Variants in PLD5 observed in about 807,000 individuals in gnomAD.
PLD5 encodes the protein phospholipase D family member 5, also known as inactive phospholipase D5.
PLD5 carries 36 observed loss-of-function variants against 61.1 expected under a neutral mutation model. The observed-to-expected ratio is 0.59, with a 90% confidence interval of 0.45 to 0.78. The LOEUF (loss-of-function observed/expected upper bound fraction) is 0.78, where lower values mean the gene tolerates loss of function less well. Among genes scored for constraint, PLD5 ranks in the 30% least tolerant of loss-of-function variants. PLD5 has a pLI of 0.00. For synonymous variants in PLD5, 243 were observed against 242.8 expected, an observed-to-expected ratio of 1.00 and a Z score of -0.01; for missense variants, 515 against 644.4, an observed-to-expected ratio of 0.80 and a Z score of 2.17.
intron 1 of PLD5, among the ~76,000 whole-genome samples, chr1:242,412,277 C>T (rs1450267414): frequency 1.3e-5 from 2 of 152,196 alleles, no homozygotes; most frequent in Non-Finnish European, 2.9e-5. Context: ...GCCATGAACT[C>T]AGCTTCCAGG....
intron 1 of PLD5, among the ~76,000 whole-genome samples, chr1:242,438,416 G>C (rs994742267): frequency 2.0e-5 from 3 of 149,220 alleles, no homozygotes; most frequent in Admixed American, 6.7e-5. Flanking sequence ...GGCCTGAGCT[G>C]CCATGCCTGG....
chr1:242,470,606 T>C (rs1302064538), intron 1 of PLD5, among the ~76,000 whole-genome samples: 8 of 152,192 alleles, frequency 5.3e-5, no homozygotes, highest in Non-Finnish European at 2.9e-5. Flanking sequence ...AGGTGTTCAA[T>C]TATTAATACT....
At chr1:242,331,691 G>C (rs1443676142) in intron 2 of PLD5, among the ~76,000 whole-genome samples, 2 of 152,160 alleles carry the variant, frequency 1.3e-5, no homozygotes, top group African/African-American at 4.8e-5. Flanking sequence ...AATTGAGTGT[G>C]TCTTATATTG....
intron 4 of PLD5, among the ~76,000 whole-genome samples, chr1:242,238,964 G>A (rs766856221): frequency 2.0e-5 from 3 of 152,064 alleles, no homozygotes; most frequent in Non-Finnish European, 4.4e-5. Flanking sequence ...AGTTCAAGTG[G>A]GATACCTGGA....
At chr1:242,161,711 C>T (rs1665843436) in intron 5 of PLD5, among the ~76,000 whole-genome samples, 2 of 152,088 alleles carry the variant, frequency 1.3e-5, no homozygotes, top group South Asian at 4.1e-4. Flanking sequence ...CTTTCCTTTG[C>T]TCATTTTGGT....
At chr1:242,158,130 C>G (rs768522333) in intron 5 of PLD5, among the ~76,000 whole-genome samples, 1 of 152,176 alleles carries the variant, frequency 6.6e-6, no homozygotes, top group East Asian at 1.9e-4. Context: ...CCTAATCAAG[C>G]CTCAGCAATG....
chr1:242,257,418 A>G (rs2149092653), intron 4 of PLD5, among the ~76,000 whole-genome samples: 1 of 152,280 alleles, frequency 6.6e-6, no homozygotes, highest in Non-Finnish European at 1.5e-5. Flanking sequence ...GGACTGTGTT[A>G]ACACCCCAAG....
intron 1 of PLD5, among the ~76,000 whole-genome samples, chr1:242,453,520 A>G (rs779980344): frequency 1.4e-4 from 21 of 152,140 alleles, no homozygotes; most frequent in Non-Finnish European, 2.8e-4. Context: ...AAGCCCAACA[A>G]GACATCATTA....
chr1:242,280,784 G>T (rs1355110230), intron 3 of PLD5, among the ~76,000 whole-genome samples: 1 of 152,180 alleles, frequency 6.6e-6, no homozygotes, highest in East Asian at 1.9e-4. Flanking sequence ...CCATGTTCAG[G>T]CCACACGAGT....
intron 5 of PLD5, among the ~76,000 whole-genome samples, chr1:242,168,305 G>A (rs958976290): frequency 6.6e-5 from 10 of 152,114 alleles, no homozygotes; most frequent in Admixed American, 2.0e-4. Flanking sequence ...TATTTAGTCT[G>A]GTAACTGTCA....
At chr1:242,419,299 CA>C (rs1362016667) in intron 1 of PLD5, among the ~76,000 whole-genome samples, 1 of 151,700 alleles carries the variant, frequency 6.6e-6, no homozygotes, top group African/African-American at 2.4e-5. Context: ...AAAGTCATGG[CA>C]AAGACTCGTC....
intron 1 of PLD5, among the ~76,000 whole-genome samples, chr1:242,376,398 AC>A (rs1343328745): frequency 6.6e-6 from 1 of 152,226 alleles, no homozygotes; most frequent in Non-Finnish European, 1.5e-5. Context: ...GAGGGCAGGC[AC>A]ATCGAGGAAG....
intron 2 of PLD5, among the ~76,000 whole-genome samples, chr1:242,331,614 C>T (rs534279627): frequency 5.0e-4 from 76 of 152,252 alleles, no homozygotes; most frequent in Non-Finnish European, 8.4e-4. Context: ...GAAAGAGACA[C>T]GGCAGATACA....
At position 242,089,147 on chromosome 1, in the gene PLD5, G is replaced by C. The variant is rs1659622167; in HGVS notation, c.*707C>G. 2.5e-6 allele frequency: 1 copy of C among 392,648 alleles called. No homozygotes were observed. The highest frequency in any genetic ancestry group is 1.4e-4 in the South Asian group (1 of 6,992). 24.3% of individuals were successfully genotyped at this position (392,648 alleles called of 1,614,324 possible). ...AGTTGAAAGGTGAAAATGAAAGACT[G>C]CTATTTCCACTTAGTATCCATTCTG... On this transcript the variant is annotated 3_prime_UTR_variant, in exon 10 of 10. Coordinates refer to ENST00000536534, the MANE Select transcript of PLD5 (RefSeq NM_001372062.1).
chr1:242,204,943 T>C (rs1016383902), intron 5 of PLD5, among the ~76,000 whole-genome samples: 1 of 152,210 alleles, frequency 6.6e-6, no homozygotes, highest in Non-Finnish European at 1.5e-5. Flanking sequence ...TTTTCAGATG[T>C]ATAGTGCGTA....
chr1:242,262,130 TACA>T (rs1673407438), intron 4 of PLD5, among the ~76,000 whole-genome samples: 1 of 152,252 alleles, frequency 6.6e-6, no homozygotes, highest in East Asian at 1.9e-4. Context: ...TGGAATACTA[TACA>T]ACAATGTAAA....
intron 4 of PLD5, among the ~76,000 whole-genome samples, chr1:242,229,640 T>G (rs1395177984): frequency 2.0e-5 from 3 of 152,226 alleles, no homozygotes; most frequent in African/African-American, 7.2e-5. Flanking sequence ...GACATTATCA[T>G]GAATGGAACA....
At chr1:242,129,864 G>C (rs1663096064) in intron 5 of PLD5, among the ~76,000 whole-genome samples, 1 of 152,032 alleles carries the variant, frequency 6.6e-6, no homozygotes, top group Non-Finnish European at 1.5e-5. Context: ...ACACTATTTA[G>C]CTTCCACTTA....
rs1438327200 is a variant in PLD5, at chr1:242,083,972, A to G, written c.*5882T>C. On this transcript the variant is annotated 3_prime_UTR_variant, in exon 10 of 10. Coordinates refer to ENST00000536534, the MANE Select transcript of PLD5 (RefSeq NM_001372062.1). ...TTTCAGAATTTTCCGCCCATGGGGAATAGGAGAGTCCATAAGGGAATTAAT... is the reference window on the plus strand; with the variant it reads ...TTTCAGAATTTTCCGCCCATGGGGAGTAGGAGAGTCCATAAGGGAATTAAT... 1 of 152,166 alleles carries G rather than the reference A, an allele frequency of 6.6e-6. No homozygotes were observed. Among genetic ancestry groups the G allele is most frequent in the Non-Finnish European group, 1.5e-5 (1 of 68,026 alleles). 9.4% of individuals were successfully genotyped at this position (152,166 alleles called of 1,614,324 possible). A position where few individuals can be genotyped will look rare whatever the true frequency, so the allele number is the denominator to read the frequency against.
Sources: gnomAD v4.1 joint callset for allele counts (sites outside exome capture counted in the v4.1 genomes callset) on GRCh38, gnomAD v4.1.1 for gene constraint, MANE v1.5 for transcripts, NCBI Gene and HGNC (gene_info 2026-07-23, HGNC 2026-07-21) for gene names.